Variants in NRG2 observed in about 807,000 individuals in gnomAD.
NRG2 encodes neuregulin 2, also known as pro-neuregulin-2, membrane-bound isoform.
Under a neutral mutation model 73.9 loss-of-function variants are expected in NRG2, and 27 were observed. The observed-to-expected ratio is 0.37, with a 90% confidence interval of 0.27 to 0.50. The LOEUF (loss-of-function observed/expected upper bound fraction) is 0.50. Ranked by LOEUF, NRG2 falls within the 20% of genes least tolerant of loss-of-function variation. The probability of loss-of-function intolerance (pLI) is 0.96; values close to 1 mark genes in which losing one functional copy is unlikely to be tolerated. For missense variants in NRG2, 1,126 were observed against 1,210.1 expected, an observed-to-expected ratio of 0.93 and a Z score of 1.03; for synonymous variants, 532 against 541.0, an observed-to-expected ratio of 0.98 and a Z score of 0.23.
intron 1 of NRG2, among the ~76,000 whole-genome samples, chr5:139,936,356 C>T (rs1471426285): frequency 6.6e-6 from 1 of 152,048 alleles, no homozygotes; most frequent in Non-Finnish European, 1.5e-5. Flanking sequence ...TCCACATACA[C>T]TAAAAGGATG....
rs1239990225 is a variant in NRG2 at position 139,957,088 on chromosome 5, C to A, written c.701-69577G>T. 2.0e-5 allele frequency among the ~76,000 whole-genome samples: 3 copies of A among 152,256 alleles called. No individual in the cohort carries two copies. In the East Asian group the frequency reaches 5.8e-4, roughly 29 times the overall value. ...ATGAGCTGGTAGGCAAGTTCAGAGTCCATCCTCAACTCTCCCAGCTGGCCA... is the reference window on the plus strand; with the variant it reads ...ATGAGCTGGTAGGCAAGTTCAGAGTACATCCTCAACTCTCCCAGCTGGCCA... On this transcript the variant is annotated intron_variant, in intron 1 of 9. Transcript: ENST00000361474.
At chr5:139,861,506 A>AC (rs1252585447) in intron 5 of NRG2, among the ~76,000 whole-genome samples, 1 of 152,010 alleles carries the variant, frequency 6.6e-6, no homozygotes, top group Non-Finnish European at 1.5e-5. Context: ...TGGGGCTTCA[A>AC]CCCCCCAGTT....
chr5:140,022,020 T>C (rs1011481492), intron 1 of NRG2, among the ~76,000 whole-genome samples: 5 of 152,160 alleles, frequency 3.3e-5, no homozygotes, highest in Non-Finnish European at 7.4e-5. Flanking sequence ...CTTAGGCTCC[T>C]GCTTTCTCTC....
chr5:140,004,658 AT>A (rs1668667076), intron 1 of NRG2, among the ~76,000 whole-genome samples: 1 of 152,194 alleles, frequency 6.6e-6, no homozygotes, highest in East Asian at 1.9e-4. Flanking sequence ...AAGTGTCAAG[AT>A]CATGGAAGGC....
At position 139,847,821 on chromosome 5, in the gene NRG2, T is replaced by G; in HGVS notation, c.*96A>C. The G allele has an allele frequency of 1.3e-6, 1 of 745,966 alleles. No individual in the cohort carries two copies. Among genetic ancestry groups the G allele is most frequent in the Non-Finnish European group, 1.9e-6 (1 of 533,774 alleles). 46.2% of individuals were successfully genotyped at this position (745,966 alleles called of 1,614,324 possible). Reference sequence around the variant, plus strand: ...TTCCTTTTATAGAAAATAAAAATATTTTTATTTCTTTTTTCCTCCTTTCTC... The same window carrying G: ...TTCCTTTTATAGAAAATAAAAATATGTTTATTTCTTTTTTCCTCCTTTCTC... On this transcript the variant is annotated 3_prime_UTR_variant, in exon 10 of 10. Transcript: ENST00000361474.
In NRG2 at chr5:139,847,938, C is replaced by T; in HGVS notation, c.2532G>A (p.Lys844=). ...RHSRGPPPRA[K]QDSAPL ...GGCCCTAGAGTGGCGCCGAGTCCTGCTTGGCCCGCGGGGGCGGCCCGCGGC... is the reference window on the plus strand; with the variant it reads ...GGCCCTAGAGTGGCGCCGAGTCCTGTTTGGCCCGCGGGGGCGGCCCGCGGC... The change falls in exon 10 of 10, where the codon AAG becomes AAA. Residue 844 remains lysine, a synonymous_variant. Transcript: ENST00000361474. 1 of 1,499,156 alleles carries T rather than the reference C, an allele frequency of 6.7e-7. No homozygotes were observed. Among genetic ancestry groups the T allele is most frequent in the Non-Finnish European group, 8.9e-7 (1 of 1,129,768 alleles). The allele number at this position is 1,499,156 out of a possible 1,614,324, so 92.9% of individuals were successfully genotyped here.
chr5:140,000,026 T>C (rs778606990), intron 1 of NRG2, among the ~76,000 whole-genome samples: 22 of 152,194 alleles, frequency 1.4e-4, no homozygotes, highest in Non-Finnish European at 3.1e-4. Flanking sequence ...TTTTCTACAA[T>C]GAATGTGTAA....
intron 1 of NRG2, among the ~76,000 whole-genome samples, chr5:139,929,418 T>C (rs555644500): frequency 2.0e-5 from 3 of 152,226 alleles, no homozygotes; most frequent in Non-Finnish European, 4.4e-5. Flanking sequence ...TAATCTTTGA[T>C]GTATGGGACG....
chr5:139,994,543 T>C (rs867148450), intron 1 of NRG2, among the ~76,000 whole-genome samples: 1 of 152,320 alleles, frequency 6.6e-6, no homozygotes, highest in African/African-American at 2.4e-5. Flanking sequence ...TTTTACAAGA[T>C]AAAAAAGTTC....
intron 1 of NRG2, among the ~76,000 whole-genome samples, chr5:139,985,862 TC>T (rs1757135275): frequency 6.6e-6 from 1 of 151,414 alleles, no homozygotes; most frequent in Non-Finnish European, 1.5e-5. Flanking sequence ...TTATCCACAC[TC>T]CCCCCAACTC....
Position 139,852,503 on chromosome 5 carries a change from G to A in NRG2, c.1473C>T (p.Thr491=), listed in dbSNP as rs774994636. ...AACAGGAGTGGCTCCCAGAGAAGGTGGTCTCAGTTTCTCTCCTGATGACAT... is the reference window on the plus strand; with the variant it reads ...AACAGGAGTGGCTCCCAGAGAAGGTAGTCTCAGTTTCTCTCCTGATGACAT... ...TDHVIRRETE[T]TFSGSHSCSP... Residue 491 remains threonine, a synonymous_variant, in exon 8 of 10, where the codon ACC becomes ACT. Coordinates refer to ENST00000361474, the MANE Select transcript of NRG2 (RefSeq NM_004883.3). The surrounding 1 kb of genome is among the most constrained non-coding windows in gnomAD (Gnocchi z 4.4). The A allele has an allele frequency of 1.9e-6, 3 of 1,614,102 alleles. No individual in the cohort carries two copies. Among genetic ancestry groups the A allele is most frequent in the South Asian group, 1.1e-5 (1 of 91,068 alleles).
At chr5:139,979,872 G>A (rs987415521) in intron 1 of NRG2, among the ~76,000 whole-genome samples, 13 of 152,210 alleles carry the variant, frequency 8.5e-5, no homozygotes, top group Non-Finnish European at 1.5e-4. Context: ...CAGAAACTGT[G>A]AGATAACAAA....
At chr5:139,875,663 C>A (rs147138186) in intron 3 of NRG2, among the ~76,000 whole-genome samples, 172 of 152,252 alleles carry the variant, frequency 1.1e-3, no homozygotes, top group Non-Finnish European at 1.9e-3. Flanking sequence ...GGCTGGCTCA[C>A]CCCCGTAATC....
chr5:139,853,380 T>G lies in NRG2; in HGVS notation c.1293-353A>C, dbSNP rs1287456315. ...TTGAGGATTAAAAGTATATGAAACA[T>G]TCAAGCACAGTGCTGACTCCCTCTC... On this transcript the variant is annotated intron_variant, in intron 6 of 9. Transcript: ENST00000361474. This position sits in a 1 kb window ranked among gnomAD's most constrained non-coding sequence, Gnocchi z 4.1. Among the ~76,000 whole-genome samples, 1 of 152,232 alleles carries G rather than the reference T, an allele frequency of 6.6e-6. No individual in the cohort carries two copies. Among genetic ancestry groups the G allele is most frequent in the Non-Finnish European group, 1.5e-5 (1 of 68,044 alleles).
Position 139,891,137 on chromosome 5 carries a change from C to T in NRG2, c.701-3626G>A, listed in dbSNP as rs542041161. The stretch of plus-strand genomic sequence containing the variant: ...CTCCCAACAAGATGGTGGGGGATGG[C>T]GGTGGCCGCTGGTGGGAGGAAGCAG... On this transcript the variant is annotated intron_variant, in intron 1 of 9. Coordinates refer to ENST00000361474, the MANE Select transcript of NRG2 (RefSeq NM_004883.3). 2.6e-4 allele frequency among the ~76,000 whole-genome samples: 39 copies of T among 152,292 alleles called. No homozygotes were observed. The South Asian group carries it at 7.9e-3, about 31-fold the overall frequency.
intron 1 of NRG2, among the ~76,000 whole-genome samples, chr5:139,951,726 G>A (rs1175503417): frequency 6.6e-6 from 1 of 152,192 alleles, no homozygotes; most frequent in Non-Finnish European, 1.5e-5. Flanking sequence ...TCAGTCCCCA[G>A]GCTCTTGACC....
chr5:139,944,194 T>C (rs1753622517), intron 1 of NRG2, among the ~76,000 whole-genome samples: 1 of 152,146 alleles, frequency 6.6e-6, no homozygotes, highest in Non-Finnish European at 1.5e-5. Flanking sequence ...ACATACAAGG[T>C]ATGGTGATTA....
chr5:140,013,181 C>T (rs759435054), intron 1 of NRG2, among the ~76,000 whole-genome samples: 28 of 152,120 alleles, frequency 1.8e-4, no homozygotes, highest in African/African-American at 3.9e-4. Flanking sequence ...ATGCATCTGT[C>T]GGCATCCATA....
chr5:140,040,977 G>T (rs1761870533), intron 1 of NRG2, among the ~76,000 whole-genome samples: 1 of 152,160 alleles, frequency 6.6e-6, no homozygotes, highest in African/African-American at 2.4e-5. Flanking sequence ...AGTGATCACA[G>T]TTTAACATAG....
Sources: allele counts gnomAD v4.1 joint callset (sites outside exome capture counted in the v4.1 genomes callset), GRCh38; gene constraint gnomAD v4.1.1; non-coding constraint Gnocchi (gnomAD v3.1); transcripts MANE v1.5; gene names NCBI Gene and HGNC (gene_info 2026-07-23, HGNC 2026-07-21).